ZMYM2: variants seen among roughly 807,000 people sequenced by gnomAD.
ZMYM2 encodes the protein zinc finger MYM-type containing 2.
A neutral mutation model predicts 162.8 loss-of-function variants in ZMYM2; 56 were observed. The observed-to-expected ratio is 0.34, with a 90% CI of 0.28 to 0.43. The LOEUF (loss-of-function observed/expected upper bound fraction) is 0.43. Ranked by LOEUF, ZMYM2 falls within the 20% of genes least tolerant of loss-of-function variation. The pLI, the probability that ZMYM2 is intolerant of heterozygous loss-of-function variation, is 1.00. For synonymous variants in ZMYM2, 510 were observed against 541.6 expected (o/e 0.94, Z 0.81); for missense variants, 1,275 against 1,621.8 (o/e 0.79, Z 3.67).
the ZMYM2 span, among the ~76,000 whole-genome samples, chr13:19,942,309 ATAT>A: frequency 3.0e-5 from 3 of 100,254 alleles, no homozygotes; most frequent in African/African-American, 1.1e-4. Context: ...TTTATTATAC[ATAT>A]TATACTAGGA....
the ZMYM2 span, among the ~76,000 whole-genome samples, chr13:19,902,343 G>A: frequency 9.9e-5 from 15 of 152,242 alleles, no homozygotes; most frequent in African/African-American, 1.7e-4. Flanking sequence ...TATGCTGGGC[G>A]CGGTGGCTCA....
the ZMYM2 span, chr13:19,863,922 CAGGG>C: frequency 0.69 from 104,210 of 151,884 alleles, 38,486 homozygotes; most frequent in East Asian, 0.89. Flanking sequence ...CCGGGTCCGC[CAGGG>C]TCAGGAGCCC....
intron 18 of ZMYM2, among the ~76,000 whole-genome samples, 153 bp downstream of exon 18, chr13:20,063,124 A>G (rs940186019): frequency 6.6e-5 from 10 of 152,010 alleles, no homozygotes; most frequent in Non-Finnish European, 1.2e-4. Flanking sequence ...TTAACTTCAT[A>G]TTTTGTTGTT....
At chr13:19,983,683 C>T (rs1351167973) in intron 2 of ZMYM2, among the ~76,000 whole-genome samples, 1 of 151,916 alleles carries the variant, frequency 6.6e-6, no homozygotes, top group Non-Finnish European at 1.5e-5. Flanking sequence ...GGCTAGTTTG[C>T]AGTGGTGCAA....
the ZMYM2 span, among the ~76,000 whole-genome samples, chr13:19,875,282 GA>G: frequency 8.7e-5 from 13 of 148,694 alleles, no homozygotes; most frequent in Middle Eastern, 3.4e-3. Flanking sequence ...GCACATTACT[GA>G]AAAAAAAAAT....
chr13:20,032,190 A>G (rs960639723), intron 10 of ZMYM2, among the ~76,000 whole-genome samples: 10 of 152,134 alleles, frequency 6.6e-5, no homozygotes, highest in Non-Finnish European at 1.3e-4. Flanking sequence ...TTTTAATAAA[A>G]CAATAGTGGC....
chr13:20,075,307 T>TA (rs1957407197), intron 21 of ZMYM2, among the ~76,000 whole-genome samples: 1 of 152,232 alleles, frequency 6.6e-6, no homozygotes, highest in African/African-American at 2.4e-5. Context: ...GACTAAGTCT[T>TA]ATGAATGTAT....
chr13:19,919,521 A>AT, the ZMYM2 span, among the ~76,000 whole-genome samples: 3,341 of 151,486 alleles, frequency 0.022, 132 homozygotes, highest in African/African-American at 0.077. Flanking sequence ...TATTTTTACC[A>AT]TTTTTTTTAG....
At chr13:20,015,807 G>C (rs1951575331) in intron 6 of ZMYM2, among the ~76,000 whole-genome samples, 2 of 151,910 alleles carry the variant, frequency 1.3e-5, no homozygotes, top group African/African-American at 2.4e-5. Context: ...AACTCTCTTA[G>C]TTACTGTTTA....
At chr13:20,082,665 A>G (rs1475688083) in intron 22 of ZMYM2, 116 bp from the exon 23 acceptor site, 1 of 882,446 alleles carries the variant, frequency 1.1e-6, no homozygotes, top group East Asian at 2.7e-5. Context: ...AGTTGATCTA[A>G]TATGAAAGGA....
intron 3 of ZMYM2, 88 bp downstream of exon 3, chr13:19,994,007 GT>G: frequency 7.1e-7 from 1 of 1,402,724 alleles, no homozygotes; most frequent in Non-Finnish European, 9.6e-7. Context: ...GTATTACCTT[GT>G]TTAGTTTCAT....
At chr13:19,868,792 C>T in the ZMYM2 span, among the ~76,000 whole-genome samples, 1 of 152,034 alleles carries the variant, frequency 6.6e-6, no homozygotes, top group Non-Finnish European at 1.5e-5. Flanking sequence ...ATTCTGTTGC[C>T]CAGGCTGGAG....
the ZMYM2 span, among the ~76,000 whole-genome samples, chr13:19,926,972 C>T: frequency 6.6e-6 from 1 of 152,178 alleles, no homozygotes; most frequent in Non-Finnish European, 1.5e-5. Context: ...CCAGCCAGGA[C>T]TACTTATTCT....
At chr13:19,969,866 G>C (rs1956154389) in intron 2 of ZMYM2, among the ~76,000 whole-genome samples, 2 of 151,526 alleles carry the variant, frequency 1.3e-5, no homozygotes, top group African/African-American at 2.4e-5. Flanking sequence ...AGAAAAAAAT[G>C]CTGGTTAAAA....
At chr13:19,890,453 C>T in the ZMYM2 span, among the ~76,000 whole-genome samples, 5 of 134,830 alleles carry the variant, frequency 3.7e-5, no homozygotes, top group South Asian at 8.9e-4. Flanking sequence ...AGGGCATGAG[C>T]CATAGTTCAC....
chr13:20,075,309 T>C (rs916038851), intron 21 of ZMYM2, among the ~76,000 whole-genome samples: 1 of 152,226 alleles, frequency 6.6e-6, no homozygotes, highest in African/African-American at 2.4e-5. Flanking sequence ...CTAAGTCTTA[T>C]GAATGTATAC....
the ZMYM2 span, among the ~76,000 whole-genome samples, chr13:19,865,572 G>C: frequency 1.3e-5 from 2 of 152,204 alleles, no homozygotes; most frequent in African/African-American, 4.8e-5. Context: ...TCGTGGAGAA[G>C]GGCTCCATAG....
intron 6 of ZMYM2, among the ~76,000 whole-genome samples, chr13:20,015,836 T>C (rs867650559): frequency 4.5e-4 from 69 of 152,084 alleles, no homozygotes; most frequent in African/African-American, 1.6e-3. Context: ...GAGTATCTTT[T>C]TCCATCCTTT....
chr13:20,062,348 GTA>G (rs1186285960), intron 17 of ZMYM2, among the ~76,000 whole-genome samples: 4 of 152,182 alleles, frequency 2.6e-5, no homozygotes, highest in African/African-American at 9.7e-5. Context: ...TCACCTTGCA[GTA>G]TGTGCTGGAT....
Sources: allele counts gnomAD v4.1 joint callset (sites outside exome capture counted in the v4.1 genomes callset), GRCh38; gene constraint gnomAD v4.1.1; transcripts MANE v1.5; gene names NCBI Gene and HGNC (gene_info 2026-07-23, HGNC 2026-07-21).